EMC7: variants seen among roughly 807,000 people sequenced by gnomAD.
The protein encoded by EMC7 is endoplasmic reticulum membrane protein complex subunit 7.
In EMC7, 4 loss-of-function variants were observed where a neutral mutation model predicts 24.4. The observed-to-expected ratio is 0.16, with a 90% CI of 0.08 to 0.38. The LOEUF is 0.38. Ranked by LOEUF, EMC7 falls within the 10% of genes least tolerant of loss-of-function variation. The probability of loss-of-function intolerance (pLI) is 1.00; values close to 1 mark genes in which losing one functional copy is unlikely to be tolerated. For missense variants in EMC7, 221 were observed against 300.6 expected (o/e 0.74, Z 1.96); for synonymous variants, 106 against 112.0 (o/e 0.95, Z 0.34).
chr15:34,090,893 G>C (rs1453873340), intron 2 of EMC7, among the ~76,000 whole-genome samples: 1 of 152,108 alleles, frequency 6.6e-6, no homozygotes, highest in Non-Finnish European at 1.5e-5. Flanking sequence ...AATTTTTAAG[G>C]CTATATTGCC....
chr15:34,094,506 G>C (rs533887148), intron 2 of EMC7, among the ~76,000 whole-genome samples: 1 of 152,162 alleles, frequency 6.6e-6, no homozygotes, highest in Non-Finnish European at 1.5e-5. Context: ...CTGCATTCTA[G>C]CCTGGGTGAC....
intron 4 of EMC7, among the ~76,000 whole-genome samples, chr15:34,086,843 G>A (rs1597403483): frequency 6.6e-6 from 1 of 152,198 alleles, no homozygotes; most frequent in East Asian, 1.9e-4. Flanking sequence ...GTCTAACACT[G>A]AAGCAAAAAT....
At chr15:34,092,261 T>TCA (rs375005510) in intron 2 of EMC7, among the ~76,000 whole-genome samples, 1,584 of 141,646 alleles carry the variant, frequency 0.011, 31 homozygotes, top group African/African-American at 0.031. Flanking sequence ...TGAGACTCCG[T>TCA]CACACACACA....
At chr15:34,086,110 A>G (rs774848450) in intron 4 of EMC7, 8 of 361,074 alleles carry the variant, frequency 2.2e-5, no homozygotes, top group Non-Finnish European at 3.7e-5. Context: ...CTGGGTAGTA[A>G]GTACTTTGTT....
At position 34,097,039 on chromosome 15, in the gene EMC7, C is replaced by CTTTTTTTTTTTTTTTTTT. The variant is rs553769836; in HGVS notation, c.237-1026_237-1025insAAAAAAAAAAAAAAAAAA. The stretch of plus-strand genomic sequence containing the variant: ...CAATTTTTGGTTTTCTGTTCTTCTT[C>CTTTTTTTTTTTTTTTTTT]TTTTTTTTTTTTGAGACGGAGTCTC... On this transcript the variant is annotated intron_variant, in intron 1 of 4. Coordinates refer to ENST00000256545, the MANE Select transcript of EMC7 (RefSeq NM_020154.3). Among the ~76,000 whole-genome samples, 89 of 97,608 alleles carry CTTTTTTTTTTTTTTTTTT rather than the reference C, an allele frequency of 9.1e-4. 2 individuals carry two copies. The highest frequency in any genetic ancestry group is 1.1e-3 in the Non-Finnish European group (60 of 52,942). The allele number at this position is 97,608 out of a possible 152,430, so 64.0% of individuals were successfully genotyped here. A position where few individuals can be genotyped will look rare whatever the true frequency, so the allele number is the denominator to read the frequency against.
Position 34,084,464 on chromosome 15 carries a change from A to G in EMC7, c.599T>C (p.Met200Thr), listed in dbSNP as rs1340637922. 2.5e-6 allele frequency: 4 copies of G among 1,613,422 alleles called. No homozygotes were observed. The highest frequency in any genetic ancestry group is 3.4e-6 in the Non-Finnish European group (4 of 1,179,468). The change falls in exon 5 of 5, where the codon ATG (methionine) becomes ACG (threonine). Residue 200 changes from methionine (M) to threonine (T), a missense_variant. Met to Thr is a moderately conservative substitution (Grantham distance 81, BLOSUM62 -1). Coordinates refer to ENST00000256545, the MANE Select transcript of EMC7 (RefSeq NM_020154.3). The part of the protein sequence containing the change: ...MRREMEQSMN[M>T]LNSNHELPDV... ...AGGCAACTCATGGTTGGAATTCAGC[A>G]TATTCATTGACTGCTCCATTTCCTG...
intron 1 of EMC7, among the ~76,000 whole-genome samples, chr15:34,096,728 C>T (rs1227435616): frequency 6.6e-6 from 1 of 152,006 alleles, no homozygotes; most frequent in African/African-American, 2.4e-5. Flanking sequence ...TGGCTGCCGC[C>T]TGTAATCCCA....
intron 2 of EMC7, among the ~76,000 whole-genome samples, chr15:34,093,806 C>CACACACATATATATATAT (rs61440619): frequency 9.9e-5 from 3 of 30,250 alleles, no homozygotes; most frequent in African/African-American, 1.7e-4. Context: ...CACACACACA[C>CACACACATATATATATAT]ATATATATAT....
At chr15:34,093,823 A>ATATATTTT (rs1190830993) in intron 2 of EMC7, among the ~76,000 whole-genome samples, 17 of 48,702 alleles carry the variant, frequency 3.5e-4, no homozygotes, top group African/African-American at 1.8e-3. Context: ...ATATATATAT[A>ATATATTTT]TTTTTTTTTT....
chr15:34,094,458 C>A (rs1019529297), intron 2 of EMC7, among the ~76,000 whole-genome samples: 1 of 152,020 alleles, frequency 6.6e-6, no homozygotes, highest in African/African-American at 2.4e-5. Flanking sequence ...TTGCTTGAAC[C>A]CAGGAGGCAG....
Position 34,096,123 on chromosome 15 carries a change from GCAAA to G in EMC7, c.237-113_237-110del, listed in dbSNP as rs931674200. 9.2e-5 allele frequency: 115 copies of G among 1,246,806 alleles called. No homozygotes were observed. The African/African-American group carries it at 1.0e-3, about 11-fold the overall frequency. 77.2% of individuals were successfully genotyped at this position (1,246,806 alleles called of 1,614,324 possible). A position where few individuals can be genotyped will look rare whatever the true frequency, so the allele number is the denominator to read the frequency against. Reference sequence around the variant, plus strand: ...CGAAAAATGACATTAAAAGCAACGGGCAAACAAACAAACAAAACCTTGGCGAAAG... The same window carrying G: ...CGAAAAATGACATTAAAAGCAACGGGCAAACAAACAAAACCTTGGCGAAAG... On this transcript the variant is annotated intron_variant, in intron 1 of 4. Transcript: ENST00000256545.
At chr15:34,092,940 C>T (rs534017090) in intron 2 of EMC7, among the ~76,000 whole-genome samples, 1 of 152,264 alleles carries the variant, frequency 6.6e-6, no homozygotes, top group Admixed American at 6.5e-5. Flanking sequence ...CCTAGCTTAG[C>T]CTACCTTAAA....
chr15:34,086,179 G>A (rs925980658), intron 4 of EMC7: 6 of 400,848 alleles, frequency 1.5e-5, no homozygotes, highest in African/African-American at 6.4e-5. Context: ...AATCTTCTAC[G>A]AACACTGTTG....
Position 34,084,280 on chromosome 15 carries a change from G to T in EMC7, c.*54C>A. 2 of 1,566,744 alleles carry T rather than the reference G, an allele frequency of 1.3e-6. No individual in the cohort carries two copies. The highest frequency in any genetic ancestry group is 1.2e-5 in the South Asian group (1 of 85,778). ...TGCTTCACACGGTTTTCCAAGACTTGGATGCCACCCAGTGTTGCCGTGTTT... is the reference window on the plus strand; with the variant it reads ...TGCTTCACACGGTTTTCCAAGACTTTGATGCCACCCAGTGTTGCCGTGTTT... On this transcript the variant is annotated 3_prime_UTR_variant, in exon 5 of 5. Transcript: ENST00000256545.
chr15:34,095,948 T>C lies in EMC7; in HGVS notation c.303A>G (p.Pro101=). The C allele has an allele frequency of 6.2e-7, 1 of 1,611,174 alleles. No homozygotes were observed. ...SGSYVVEVVS[P]AYRFDPVRVD... is the part of the protein sequence containing the mutation. ...CTCGAACGGGATCAAATCTGTAAGC[T>C]GGAGATACAACTTCCACTACATAAG... Residue 101 remains proline (P), a synonymous_variant, in exon 2 of 5, where the codon CCA becomes CCG. Coordinates refer to ENST00000256545, the MANE Select transcript of EMC7 (RefSeq NM_020154.3).
intron 1 of EMC7, among the ~76,000 whole-genome samples, chr15:34,097,680 C>T (rs1253629536): frequency 2.0e-5 from 3 of 152,022 alleles, no homozygotes; most frequent in Admixed American, 2.0e-4. Flanking sequence ...TAAAATAATG[C>T]TTCTTAAATC....
Position 34,084,168 on chromosome 15 carries a change from C to T in EMC7, c.*166G>A, listed in dbSNP as rs896023147. 5.8e-5 allele frequency: 46 copies of T among 796,342 alleles called. No homozygotes were observed. Among genetic ancestry groups the T allele is most frequent in the African/African-American group, 1.6e-4 (9 of 57,402 alleles). 49.3% of individuals were successfully genotyped at this position (796,342 alleles called of 1,614,324 possible). Reference sequence around the variant, plus strand: ...ACAAAAGATGAAAGCTGGGTTTTCTCGTGTACCAAGTACAAAACATGTGCT... The same window carrying T: ...ACAAAAGATGAAAGCTGGGTTTTCTTGTGTACCAAGTACAAAACATGTGCT... On this transcript the variant is annotated 3_prime_UTR_variant, in exon 5 of 5. Coordinates refer to ENST00000256545, the MANE Select transcript of EMC7 (RefSeq NM_020154.3).
intron 2 of EMC7, among the ~76,000 whole-genome samples, chr15:34,095,323 T>C (rs16958764): frequency 0.022 from 3,394 of 152,336 alleles, 132 homozygotes; most frequent in African/African-American, 0.077. Context: ...CTGAAGACTA[T>C]AGATACTATA....
intron 1 of EMC7, among the ~76,000 whole-genome samples, chr15:34,096,511 C>T (rs956119154): frequency 6.6e-6 from 1 of 152,118 alleles, no homozygotes; most frequent in Non-Finnish European, 1.5e-5. Flanking sequence ...TGAAAATACC[C>T]AAGACCACTC....
Sources: gnomAD v4.1 joint callset for allele counts (sites outside exome capture counted in the v4.1 genomes callset) on GRCh38, gnomAD v4.1.1 for gene constraint, MANE v1.5 for transcripts, NCBI Gene and HGNC (gene_info 2026-07-23, HGNC 2026-07-21) for gene names.